DCLK1: variants seen among roughly 807,000 people sequenced by gnomAD.
DCLK1 encodes doublecortin like kinase 1.
In DCLK1, 16 loss-of-function variants were observed where a neutral mutation model predicts 86.2. The observed-to-expected ratio is 0.19, with a 90% CI of 0.13 to 0.28. The LOEUF (loss-of-function observed/expected upper bound fraction) is 0.28. DCLK1 is among the 10% of genes least tolerant of loss of function. DCLK1 has a pLI of 1.00. For synonymous variants in DCLK1, 369 were observed against 370.5 expected (o/e 1.00, Z 0.05); for missense variants, 590 against 940.2 (o/e 0.63, Z 4.87).
At chr13:35,947,577 T>G (rs1593758521) in intron 3 of DCLK1, 120 bp from the exon 4 acceptor site, 1 of 652,180 alleles carries the variant, frequency 1.5e-6, no homozygotes, top group East Asian at 2.9e-5. Flanking sequence ...ACAGGGCAGC[T>G]TCCACAGAGG....
chr13:35,983,281 C>T (rs1272473063), intron 3 of DCLK1, among the ~76,000 whole-genome samples: 1 of 152,122 alleles, frequency 6.6e-6, no homozygotes, highest in Non-Finnish European at 1.5e-5. Flanking sequence ...ATGAGCCAAC[C>T]CAGAACTCTT....
At chr13:35,785,063 C>T (rs1352914492) in intron 16 of DCLK1, among the ~76,000 whole-genome samples, 4 of 152,186 alleles carry the variant, frequency 2.6e-5, no homozygotes. Flanking sequence ...TCACATCTTG[C>T]CTGAGAACTC....
intron 3 of DCLK1, among the ~76,000 whole-genome samples, chr13:36,092,024 T>C (rs2138139129): frequency 6.6e-6 from 1 of 152,306 alleles, no homozygotes; most frequent in East Asian, 1.9e-4. Context: ...CAATACCTTA[T>C]AGTATTTTAT....
chr13:36,126,210 T>C, intron 1 of DCLK1, 54 bp from the exon 2 acceptor site: 1 of 1,305,594 alleles, frequency 7.7e-7, no homozygotes, highest in South Asian at 2.3e-5. Context: ...GTTATATATA[T>C]ATATATATTT....
intron 3 of DCLK1, among the ~76,000 whole-genome samples, chr13:36,031,549 C>A (rs1201755375): frequency 1.3e-5 from 2 of 152,176 alleles, no homozygotes; most frequent in South Asian, 2.1e-4. Flanking sequence ...TGCCAGCAGG[C>A]CTTAAATTAT....
At chr13:36,071,384 A>T (rs985429864) in intron 3 of DCLK1, among the ~76,000 whole-genome samples, 1 of 152,186 alleles carries the variant, frequency 6.6e-6, no homozygotes, top group Non-Finnish European at 1.5e-5. Flanking sequence ...TTTAAGCCTC[A>T]TTCTGTTAAG....
chr13:35,842,228 C>CAAAAAA (rs35862851), intron 6 of DCLK1, among the ~76,000 whole-genome samples: 5 of 35,114 alleles, frequency 1.4e-4, no homozygotes, highest in Non-Finnish European at 1.9e-4. Context: ...GACTCCATCT[C>CAAAAAA]AAAAAAAAAA....
chr13:35,911,349 T>C (rs1875020779), intron 4 of DCLK1, among the ~76,000 whole-genome samples: 1 of 150,836 alleles, frequency 6.6e-6, no homozygotes, highest in Non-Finnish European at 1.5e-5. Context: ...TTTTCAGAGA[T>C]AAACACTTGT....
intron 15 of DCLK1, among the ~76,000 whole-genome samples, chr13:35,801,862 C>T (rs1345649455): frequency 6.6e-6 from 1 of 152,130 alleles, no homozygotes; most frequent in African/African-American, 2.4e-5. Flanking sequence ...AGATTCATGT[C>T]GTTCCCAACA....
intron 3 of DCLK1, among the ~76,000 whole-genome samples, chr13:36,098,238 C>T (rs1203620696): frequency 6.6e-6 from 1 of 152,202 alleles, no homozygotes; most frequent in Non-Finnish European, 1.5e-5. Context: ...ATGCCAATTA[C>T]TCAGCAATCT....
intron 11 of DCLK1, among the ~76,000 whole-genome samples, chr13:35,820,282 T>C (rs1201139111): frequency 6.6e-6 from 1 of 152,214 alleles, no homozygotes; most frequent in African/African-American, 2.4e-5. Context: ...TAAAGGAGAA[T>C]AAAATCTCGT....
chr13:36,080,857 C>T (rs2138111434), intron 3 of DCLK1, among the ~76,000 whole-genome samples: 1 of 152,130 alleles, frequency 6.6e-6, no homozygotes, highest in South Asian at 2.1e-4. Context: ...AATTTTGCCT[C>T]CCAGAGGACA....
At chr13:35,943,325 T>C (rs1276282823) in intron 4 of DCLK1, among the ~76,000 whole-genome samples, 1 of 152,196 alleles carries the variant, frequency 6.6e-6, no homozygotes, top group Non-Finnish European at 1.5e-5. Context: ...AGCACAGCCC[T>C]GCCAGTACCT....
chr13:36,110,079 C>G (rs779872152), intron 3 of DCLK1, among the ~76,000 whole-genome samples: 6 of 152,082 alleles, frequency 3.9e-5, no homozygotes, highest in Non-Finnish European at 5.9e-5. Flanking sequence ...TCTAATGAGA[C>G]ACTTTATAAA....
At chr13:35,947,187 T>C (rs1038668032) in intron 4 of DCLK1, among the ~76,000 whole-genome samples, 171 bp downstream of exon 4, 3 of 152,156 alleles carry the variant, frequency 2.0e-5, no homozygotes, top group African/African-American at 7.2e-5. Flanking sequence ...TTCATCTGTT[T>C]TCCATATTTA....
intron 4 of DCLK1, among the ~76,000 whole-genome samples, chr13:35,914,509 G>C (rs1210406432): frequency 6.6e-6 from 1 of 150,758 alleles, no homozygotes; most frequent in African/African-American, 2.4e-5. Context: ...TTGAGGCCAG[G>C]AGTTCAAGAC....
intron 4 of DCLK1, among the ~76,000 whole-genome samples, chr13:35,879,690 G>A (rs544031907): frequency 6.6e-5 from 10 of 152,064 alleles, no homozygotes; most frequent in South Asian, 2.1e-4. Context: ...TTTCAACCCC[G>A]GGGGAAAGCA....
intron 2 of DCLK1, among the ~76,000 whole-genome samples, chr13:36,113,297 A>G (rs1463387588): frequency 6.6e-6 from 1 of 152,216 alleles, no homozygotes; most frequent in Non-Finnish European, 1.5e-5. Flanking sequence ...CAAAAGTTAA[A>G]AAGAGCAGTT....
At chr13:35,988,453 T>C (rs1880050794) in intron 3 of DCLK1, among the ~76,000 whole-genome samples, 1 of 152,232 alleles carries the variant, frequency 6.6e-6, no homozygotes, top group Admixed American at 6.5e-5. Context: ...ACTCACTATG[T>C]GGCCCAGCCA....
Sources: gnomAD v4.1 joint callset for allele counts (sites outside exome capture counted in the v4.1 genomes callset) on GRCh38, gnomAD v4.1.1 for gene constraint, MANE v1.5 for transcripts, NCBI Gene and HGNC (gene_info 2026-07-23, HGNC 2026-07-21) for gene names.